Variants in CACNA2D3 observed in about 807,000 individuals in gnomAD.
CACNA2D3 encodes the protein calcium voltage-gated channel auxiliary subunit alpha2delta 3.
In CACNA2D3, 60 loss-of-function variants were observed where a neutral mutation model predicts 160.6. The observed-to-expected ratio is 0.37, with a 90% CI of 0.30 to 0.46. The LOEUF (loss-of-function observed/expected upper bound fraction) is 0.46, where lower values mean the gene tolerates loss of function less well. CACNA2D3 is among the 20% of genes least tolerant of loss of function. The pLI, the probability that CACNA2D3 is intolerant of heterozygous loss-of-function variation, is 1.00. For missense variants in CACNA2D3, 1,205 were observed against 1,365.0 expected, an observed-to-expected ratio of 0.88 and a Z score of 1.85; for synonymous variants, 558 against 492.9, an observed-to-expected ratio of 1.13 and a Z score of -1.75.
chr3:54,277,621 G>T (rs1042153641), intron 2 of CACNA2D3, among the ~76,000 whole-genome samples: 8 of 151,970 alleles, frequency 5.3e-5, no homozygotes, highest in Non-Finnish European at 7.4e-5. Flanking sequence ...GCTTTTTTTT[G>T]ATTCCATATG....
intron 4 of CACNA2D3, among the ~76,000 whole-genome samples, chr3:54,501,873 C>A (rs956543427): frequency 2.0e-5 from 3 of 152,184 alleles, no homozygotes; most frequent in Non-Finnish European, 4.4e-5. Flanking sequence ...TTCTCCTTTA[C>A]TTGTGAAGGG....
chr3:54,468,857 T>C (rs778318086), intron 4 of CACNA2D3, among the ~76,000 whole-genome samples: 1 of 152,174 alleles, frequency 6.6e-6, no homozygotes, highest in African/African-American at 2.4e-5. Flanking sequence ...GCAAAGCCAC[T>C]GTAGCCGGAC....
chr3:54,285,743 AG>A (rs1407642166), intron 2 of CACNA2D3, among the ~76,000 whole-genome samples: 2 of 152,206 alleles, frequency 1.3e-5, no homozygotes, highest in African/African-American at 4.8e-5. Flanking sequence ...TTCCAGAGGA[AG>A]ATCAGGCAGC....
intron 35 of CACNA2D3, among the ~76,000 whole-genome samples, chr3:55,063,630 A>G (rs557923757): frequency 6.6e-6 from 1 of 152,266 alleles, no homozygotes; most frequent in South Asian, 2.1e-4. Context: ...TTGGACAGGA[A>G]GGTGGCTTTG....
chr3:54,684,280 A>C (rs1172495606), intron 11 of CACNA2D3, among the ~76,000 whole-genome samples: 1 of 152,068 alleles, frequency 6.6e-6, no homozygotes, highest in African/African-American at 2.4e-5. Flanking sequence ...TCTTTTTATA[A>C]AGACACCAGT....
At chr3:54,365,442 T>TGGG (rs1237220106) in intron 3 of CACNA2D3, among the ~76,000 whole-genome samples, 1 of 152,172 alleles carries the variant, frequency 6.6e-6, no homozygotes, top group African/African-American at 2.4e-5. Context: ...GTGATGGAGA[T>TGGG]GGGGCACCAC....
chr3:54,930,550 A>G (rs915195264), intron 27 of CACNA2D3, among the ~76,000 whole-genome samples: 4 of 152,184 alleles, frequency 2.6e-5, no homozygotes, highest in African/African-American at 9.7e-5. Context: ...TGACAGCACA[A>G]TTGGATGTTG....
At chr3:54,189,747 A>C (rs1700945934) in intron 2 of CACNA2D3, among the ~76,000 whole-genome samples, 1 of 152,176 alleles carries the variant, frequency 6.6e-6, no homozygotes, top group Non-Finnish European at 1.5e-5. Context: ...CAGAGGCCTG[A>C]TCTCAGCAGT....
At chr3:54,165,733 G>A (rs1700442939) in intron 2 of CACNA2D3, among the ~76,000 whole-genome samples, 1 of 152,068 alleles carries the variant, frequency 6.6e-6, no homozygotes, top group Non-Finnish European at 1.5e-5. Context: ...AGGTGTTTGA[G>A]GCTGCAGTGA....
chr3:54,463,390 CT>C lies in CACNA2D3; in HGVS notation c.382-40100del, dbSNP rs1427530699. On this transcript the variant is annotated intron_variant, in intron 4 of 37. Coordinates refer to ENST00000474759, the MANE Select transcript of CACNA2D3 (RefSeq NM_018398.3). ...GAGTGTTTTCCAACTTGGTTCCATT[CT>C]TCCCGTCACTTTCAGGTACAGCAAT... Among the ~76,000 whole-genome samples the C allele has an allele frequency of 4.6e-5, 7 of 152,242 alleles. No individual in the cohort carries two copies. In the East Asian group the frequency reaches 7.7e-4, roughly 17 times the overall value.
At chr3:54,963,659 GT>G (rs1702082900) in intron 27 of CACNA2D3, among the ~76,000 whole-genome samples, 2 of 152,336 alleles carry the variant, frequency 1.3e-5, no homozygotes, top group Admixed American at 6.5e-5. Flanking sequence ...AATGGTCTAT[GT>G]GTTTTGGATG....
chr3:54,386,525 A>G (rs1699188745), intron 3 of CACNA2D3, among the ~76,000 whole-genome samples, 190 bp from the exon 4 acceptor site: 2 of 152,202 alleles, frequency 1.3e-5, no homozygotes, highest in South Asian at 4.1e-4. Context: ...AGAATTATTG[A>G]TTGAATGATG....
chr3:54,468,006 A>C (rs1211340973), intron 4 of CACNA2D3, among the ~76,000 whole-genome samples: 1 of 152,212 alleles, frequency 6.6e-6, no homozygotes, highest in South Asian at 2.1e-4. Flanking sequence ...TACAATTATG[A>C]TGTGTCAATT....
At chr3:54,838,045 T>G (rs1698735610) in intron 15 of CACNA2D3, among the ~76,000 whole-genome samples, 1 of 152,196 alleles carries the variant, frequency 6.6e-6, no homozygotes, top group African/African-American at 2.4e-5. Flanking sequence ...CTACATGCCT[T>G]GGAAAATGGG....
chr3:55,051,529 A>C (rs1456822724), intron 35 of CACNA2D3, among the ~76,000 whole-genome samples: 1 of 151,784 alleles, frequency 6.6e-6, no homozygotes, highest in Admixed American at 6.6e-5. Flanking sequence ...AGGGACATTT[A>C]AGTCTGCAGA....
chr3:54,988,003 G>T (rs1481058313), intron 31 of CACNA2D3, among the ~76,000 whole-genome samples: 1 of 152,186 alleles, frequency 6.6e-6, no homozygotes, highest in African/African-American at 2.4e-5. Flanking sequence ...CAGTATTGAA[G>T]TAGGAGGCTG....
In CACNA2D3 at chr3:54,521,584, C is replaced by T. The variant is rs112865952; in HGVS notation, c.544+17930C>T. Among the ~76,000 whole-genome samples, 63 of 152,248 alleles carry T rather than the reference C, an allele frequency of 4.1e-4. 1 individual carries two copies. The highest frequency in any genetic ancestry group is 1.5e-3 in the African/African-American group (62 of 41,564). On this transcript the variant is annotated intron_variant, in intron 5 of 37. Transcript: ENST00000474759. ...ATTTACCTATTTTTAAATTTTGTTA[C>T]TCATACTATTGGTGTCATATCTAAG...
At chr3:54,889,575 G>A (rs1284663668) in intron 24 of CACNA2D3, among the ~76,000 whole-genome samples, 1 of 152,190 alleles carries the variant, frequency 6.6e-6, no homozygotes, top group Non-Finnish European at 1.5e-5. Flanking sequence ...GAGAGACACT[G>A]GGGGAGGATC....
intron 27 of CACNA2D3, among the ~76,000 whole-genome samples, chr3:54,929,419 C>T (rs372856527): frequency 9.2e-5 from 14 of 152,192 alleles, no homozygotes; most frequent in Admixed American, 2.6e-4. Context: ...TGGAACCTGG[C>T]CCTTCGTGCC....
Sources: allele counts gnomAD v4.1 joint callset (sites outside exome capture counted in the v4.1 genomes callset), GRCh38; gene constraint gnomAD v4.1.1; transcripts MANE v1.5; gene names NCBI Gene and HGNC (gene_info 2026-07-23, HGNC 2026-07-21).